The following FNDC3A variants were observed in gnomAD, a reference collection of about 807,000 sequenced individuals.
FNDC3A encodes fibronectin type III domain containing 3A, also known as fibronectin type-III domain-containing protein 3A.
FNDC3A carries 32 observed loss-of-function variants against 148.9 expected under a neutral mutation model. The ratio of observed to expected loss-of-function variants is 0.21; its 90% CI spans 0.16 to 0.29. FNDC3A has a LOEUF of 0.29. Among genes scored for constraint, FNDC3A ranks in the 10% least tolerant of loss-of-function variants. The probability of loss-of-function intolerance (pLI) is 1.00; values close to 1 mark genes in which losing one functional copy is unlikely to be tolerated. For missense variants in FNDC3A, 1,191 were observed against 1,452.8 expected (o/e 0.82, Z 2.93); for synonymous variants, 472 against 473.6 (o/e 1.00, Z 0.04).
intron 3 of FNDC3A, among the ~76,000 whole-genome samples, chr13:49,079,898 TCA>T (rs1262347014): frequency 6.6e-6 from 1 of 152,148 alleles, no homozygotes; most frequent in Non-Finnish European, 1.5e-5. Context: ...CATTGCAGCC[TCA>T]AACTCCTGGG....
intron 1 of FNDC3A, among the ~76,000 whole-genome samples, chr13:48,983,976 AGC>A (rs1951743344): frequency 6.6e-6 from 1 of 152,294 alleles, no homozygotes; most frequent in African/African-American, 2.4e-5. Context: ...AAATACAAAT[AGC>A]AAAAAAATAT....
intron 3 of FNDC3A, among the ~76,000 whole-genome samples, chr13:49,080,281 C>T (rs938602639): frequency 6.6e-6 from 1 of 152,166 alleles, no homozygotes; most frequent in African/African-American, 2.4e-5. Flanking sequence ...GGATAAGGCA[C>T]CACTCTTAAA....
At chr13:48,979,037 T>C (rs1459877122) in intron 1 of FNDC3A, among the ~76,000 whole-genome samples, 2 of 152,184 alleles carry the variant, frequency 1.3e-5, no homozygotes, top group Non-Finnish European at 2.9e-5. Flanking sequence ...ATATATACTT[T>C]CAAGTTTTCT....
chr13:49,113,372 C>T (rs1880709439), intron 3 of FNDC3A, among the ~76,000 whole-genome samples: 1 of 151,690 alleles, frequency 6.6e-6, no homozygotes, highest in Non-Finnish European at 1.5e-5. Flanking sequence ...CTTTTCTCTT[C>T]CCTAGCTCTC....
Position 49,180,908 on chromosome 13 carries a change from A to T in FNDC3A, c.1617+2254A>T, listed in dbSNP as rs188722643. Among the ~76,000 whole-genome samples, 393 of 151,868 alleles carry T rather than the reference A, an allele frequency of 2.6e-3. 22 individuals carry two copies. The East Asian group carries it at 0.043, about 17-fold the overall frequency. On this transcript the variant is annotated intron_variant, in intron 14 of 25. Coordinates refer to ENST00000492622, the MANE Select transcript of FNDC3A (RefSeq NM_001079673.2). The stretch of plus-strand genomic sequence containing the variant: ...AGATTCTGTCTCAAAAAAAAAAAAA[A>T]TTTGTTTTTTCTATTTAAAAGCCAC...
At chr13:49,200,716 G>C (rs948636623) in intron 23 of FNDC3A, among the ~76,000 whole-genome samples, 1 of 151,922 alleles carries the variant, frequency 6.6e-6, no homozygotes, top group Non-Finnish European at 1.5e-5. Context: ...ATGGCTCATG[G>C]CCTTTGGTTG....
At chr13:49,088,091 T>C (rs1256017782) in intron 3 of FNDC3A, among the ~76,000 whole-genome samples, 1 of 152,172 alleles carries the variant, frequency 6.6e-6, no homozygotes, top group Non-Finnish European at 1.5e-5. Context: ...AATAGACATA[T>C]TATCTTTATG....
chr13:49,145,761 A>C lies in FNDC3A; in HGVS notation c.820-17A>C, dbSNP rs1566281860. On this transcript the variant is annotated splice_polypyrimidine_tract_variant and intron_variant, in intron 7 of 25. Coordinates refer to ENST00000492622, the MANE Select transcript of FNDC3A (RefSeq NM_001079673.2). ...TACAGTTGTTTTAAAGAACTTTTAA[A>C]TGTTGTATTTTTACAGGCCTCCGAC... 1 of 1,611,346 alleles carries C rather than the reference A, an allele frequency of 6.2e-7. No individual in the cohort carries two copies. The highest frequency in any genetic ancestry group is 1.1e-5 in the South Asian group (1 of 90,788).
intron 1 of FNDC3A, among the ~76,000 whole-genome samples, chr13:48,977,912 G>T (rs1328345169): frequency 6.6e-6 from 1 of 151,728 alleles, no homozygotes; most frequent in Non-Finnish European, 1.5e-5. Context: ...TCCCAGGCTG[G>T]CTACCGTTAG....
rs1951902744 is a variant in FNDC3A, at chr13:48,990,856, T to C, written c.-40+14679T>C. On this transcript the variant is annotated intron_variant, in intron 1 of 25. Coordinates refer to ENST00000492622, the MANE Select transcript of FNDC3A (RefSeq NM_001079673.2). ...AAATTGCAGATTTATTGTTGTAAGG[T>C]TCTGATACATATTCCTGAAGTAGTG... Among the ~76,000 whole-genome samples the C allele has an allele frequency of 2.6e-5, 4 of 152,288 alleles. No homozygotes were observed. In the South Asian group the frequency reaches 8.3e-4, roughly 32 times the overall value.
intron 2 of FNDC3A, among the ~76,000 whole-genome samples, chr13:49,039,092 T>G (rs1414144019): frequency 6.6e-6 from 1 of 152,138 alleles, no homozygotes; most frequent in Non-Finnish European, 1.5e-5. Context: ...GTAATGTTAT[T>G]TTTCCTGTTC....
chr13:49,058,325 T>G (rs72476656), intron 2 of FNDC3A, among the ~76,000 whole-genome samples: 4 of 152,128 alleles, frequency 2.6e-5, no homozygotes, highest in Non-Finnish European at 4.4e-5. Context: ...TTCACAGTGC[T>G]TTTTTTATGC....
rs7338284 is a variant in FNDC3A at position 49,114,415 on chromosome 13, G to T, written c.176-240G>T. On this transcript the variant is annotated intron_variant, in intron 3 of 25. Transcript: ENST00000492622. ...TTTTAAAAAGCCCTCCAACCTCCCC[G>T]CCCCCCACCACCCCTACCCCAGCAA... Among the ~76,000 whole-genome samples, 76 of 97,096 alleles carry T rather than the reference G, an allele frequency of 7.8e-4. 1 individual carries two copies. The highest frequency in any genetic ancestry group is 2.3e-3 in the African/African-American group (69 of 29,438). 63.7% of individuals were successfully genotyped at this position (97,096 alleles called of 152,430 possible). A position where few individuals can be genotyped will look rare whatever the true frequency, so the allele number is the denominator to read the frequency against.
At chr13:49,129,762 A>C (rs113917847) in intron 4 of FNDC3A, among the ~76,000 whole-genome samples, 11 of 152,340 alleles carry the variant, frequency 7.2e-5, no homozygotes, top group Non-Finnish European at 1.6e-4. Flanking sequence ...TTGGTCATCT[A>C]GTCCCCTGTT....
intron 4 of FNDC3A, among the ~76,000 whole-genome samples, chr13:49,126,025 AC>A (rs1186717328): frequency 6.6e-6 from 1 of 151,972 alleles, no homozygotes; most frequent in Non-Finnish European, 1.5e-5. Context: ...TTTCCTTTTC[AC>A]AACGTACTTA....
chr13:49,111,668 T>C (rs1341332694), intron 3 of FNDC3A, among the ~76,000 whole-genome samples: 1 of 151,002 alleles, frequency 6.6e-6, no homozygotes, highest in Non-Finnish European at 1.5e-5. Flanking sequence ...AGAGGTTGCA[T>C]TGAGCTGAGA....
At chr13:48,993,567 A>T (rs546144297) in intron 1 of FNDC3A, among the ~76,000 whole-genome samples, 8 of 152,362 alleles carry the variant, frequency 5.3e-5, no homozygotes, top group Non-Finnish European at 1.2e-4. Context: ...TTTAATGAAG[A>T]TGTGTACATT....
intron 4 of FNDC3A, among the ~76,000 whole-genome samples, chr13:49,118,946 T>C (rs1881149081): frequency 6.6e-6 from 1 of 152,180 alleles, no homozygotes; most frequent in South Asian, 2.1e-4. Flanking sequence ...GACGTAAACG[T>C]TCCTGCCTAC....
intron 14 of FNDC3A, among the ~76,000 whole-genome samples, chr13:49,183,700 T>C (rs1384208338): frequency 6.6e-6 from 1 of 152,028 alleles, no homozygotes; most frequent in African/African-American, 2.4e-5. Context: ...TATAAAGGAG[T>C]AGAGTAAGAA....
Sources: allele counts gnomAD v4.1 joint callset (sites outside exome capture counted in the v4.1 genomes callset), GRCh38; gene constraint gnomAD v4.1.1; transcripts MANE v1.5; gene names NCBI Gene and HGNC (gene_info 2026-07-23, HGNC 2026-07-21).